The following AUTS2 variants were observed in gnomAD, a reference collection of about 807,000 sequenced individuals.
AUTS2 encodes the protein autism susceptibility gene 2 protein.
AUTS2 carries 17 observed loss-of-function variants against 112.4 expected under a neutral mutation model. The observed-to-expected ratio is 0.15, with a 90% confidence interval of 0.10 to 0.23. The LOEUF is 0.23. AUTS2 is among the 10% of genes least tolerant of loss of function. The probability of loss-of-function intolerance (pLI) is 1.00; values close to 1 mark genes in which losing one functional copy is unlikely to be tolerated. For missense variants in AUTS2, 1,510 were observed against 1,701.6 expected, an observed-to-expected ratio of 0.89 and a Z score of 1.98; for synonymous variants, 751 against 702.7, an observed-to-expected ratio of 1.07 and a Z score of -1.09.
At chr7:70,372,331 A>C (rs1792874792) in intron 4 of AUTS2, among the ~76,000 whole-genome samples, 1 of 152,222 alleles carries the variant, frequency 6.6e-6, no homozygotes, top group African/African-American at 2.4e-5. Context: ...GTAGAGGAAG[A>C]TATCCTAGTA....
chr7:69,815,617 T>G (rs1790725298), intron 1 of AUTS2, among the ~76,000 whole-genome samples: 1 of 152,080 alleles, frequency 6.6e-6, no homozygotes, highest in South Asian at 2.1e-4. Context: ...CAGGTTCAAG[T>G]GATTCTCCTG....
In AUTS2 at chr7:69,723,489, G is replaced by A. The variant is rs79079457; in HGVS notation, c.309+123527G>A. The stretch of plus-strand genomic sequence containing the variant: ...ACCATTATTAGCTATATGACCATTA[G>A]CCAGTTTTCTCATTTGTTAGATGAT... On this transcript the variant is annotated intron_variant, in intron 1 of 18. Transcript: ENST00000342771. 4.2e-3 allele frequency among the ~76,000 whole-genome samples: 632 copies of A among 152,194 alleles called. 6 individuals carry two copies. Among genetic ancestry groups the A allele is most frequent in the African/African-American group, 0.014 (579 of 41,540 alleles).
intron 4 of AUTS2, chr7:70,291,514 G>A (rs1254882265): frequency 6.6e-6 from 1 of 152,122 alleles, no homozygotes; most frequent in African/African-American, 2.4e-5. Flanking sequence ...TGTAGAATGG[G>A]GGAAGTGGTA....
At chr7:70,067,972 A>C (rs927545090) in intron 2 of AUTS2, among the ~76,000 whole-genome samples, 2 of 152,166 alleles carry the variant, frequency 1.3e-5, no homozygotes, top group Non-Finnish European at 2.9e-5. Context: ...AGGTTAAATA[A>C]TAAGTGCACA....
chr7:70,086,596 G>A (rs947326720), intron 2 of AUTS2, among the ~76,000 whole-genome samples: 4 of 146,278 alleles, frequency 2.7e-5, no homozygotes, highest in African/African-American at 1.0e-4. Context: ...AGCTGAGATC[G>A]CGCCACTGGA....
chr7:70,160,541 T>C (rs1424810045), intron 4 of AUTS2, among the ~76,000 whole-genome samples: 1 of 152,220 alleles, frequency 6.6e-6, no homozygotes, highest in Non-Finnish European at 1.5e-5. Flanking sequence ...GCACAGTGAC[T>C]AAATTTGATG....
chr7:70,726,732 A>G (rs1287888658), intron 6 of AUTS2, among the ~76,000 whole-genome samples: 1 of 152,172 alleles, frequency 6.6e-6, no homozygotes, highest in Admixed American at 6.5e-5. Context: ...TCCAGTTTAG[A>G]GGATCATATT....
At chr7:70,543,506 G>A (rs942962628) in intron 5 of AUTS2, among the ~76,000 whole-genome samples, 3 of 150,832 alleles carry the variant, frequency 2.0e-5, no homozygotes, top group Non-Finnish European at 2.9e-5. Flanking sequence ...TTGAGCCTAG[G>A]CGACAGAGTG....
At chr7:70,095,356 G>A (rs1392441976) in intron 2 of AUTS2, among the ~76,000 whole-genome samples, 1 of 152,136 alleles carries the variant, frequency 6.6e-6, no homozygotes, top group Non-Finnish European at 1.5e-5. Flanking sequence ...ACGCATAGAA[G>A]TCTTACAACT....
intron 18 of AUTS2, 102 bp from the exon 19 acceptor site, chr7:70,789,646 C>A (rs1791744327): frequency 7.2e-7 from 1 of 1,392,090 alleles, no homozygotes; most frequent in East Asian, 2.3e-5. Context: ...AAGCAGCCCC[C>A]AGCCTGTCCT....
chr7:70,498,239 CGCATACTCATT>C (rs1241128122), intron 5 of AUTS2, among the ~76,000 whole-genome samples: 1 of 152,094 alleles, frequency 6.6e-6, no homozygotes, highest in Non-Finnish European at 1.5e-5. Context: ...TCCACAGAGC[CGCATACTCATT>C]GCATGTGTGT....
chr7:70,665,198 C>T (rs1807267221), intron 5 of AUTS2, among the ~76,000 whole-genome samples: 2 of 152,130 alleles, frequency 1.3e-5, no homozygotes, highest in Admixed American at 1.3e-4. Flanking sequence ...GGCTACAGGG[C>T]ACCATTTTCC....
intron 1 of AUTS2, among the ~76,000 whole-genome samples, chr7:69,766,063 T>C (rs1383774979): frequency 6.6e-6 from 1 of 152,230 alleles, no homozygotes; most frequent in African/African-American, 2.4e-5. Context: ...ACTCTCCGTC[T>C]TGCAAAACTG....
At chr7:69,817,236 C>G (rs1281664765) in intron 1 of AUTS2, among the ~76,000 whole-genome samples, 2 of 152,168 alleles carry the variant, frequency 1.3e-5, no homozygotes, top group Non-Finnish European at 2.9e-5. Flanking sequence ...AAGATATAAG[C>G]AGGATGCTGG....
At chr7:70,274,970 C>T (rs1787862072) in intron 4 of AUTS2, among the ~76,000 whole-genome samples, 1 of 152,056 alleles carries the variant, frequency 6.6e-6, no homozygotes, top group South Asian at 2.1e-4. Context: ...TTCATAATAG[C>T]TAAAAAGTGG....
At chr7:70,239,146 A>G (rs958947804) in intron 4 of AUTS2, among the ~76,000 whole-genome samples, 2 of 152,180 alleles carry the variant, frequency 1.3e-5, no homozygotes, top group Middle Eastern at 3.4e-3. Context: ...CCTCTCCTCC[A>G]TAATTTTATG....
intron 1 of AUTS2, among the ~76,000 whole-genome samples, chr7:69,833,475 G>A (rs982634502): frequency 6.6e-6 from 1 of 151,836 alleles, no homozygotes; most frequent in African/African-American, 2.4e-5. Context: ...TCACTCTGTT[G>A]CCCAGGCTGG....
chr7:70,213,166 A>AT (rs1363273816), intron 4 of AUTS2, among the ~76,000 whole-genome samples: 2 of 152,048 alleles, frequency 1.3e-5, no homozygotes, highest in Non-Finnish European at 2.9e-5. Flanking sequence ...ATATCAACGA[A>AT]TTTTTTTAAA....
At chr7:70,080,834 G>A (rs751376199) in intron 2 of AUTS2, among the ~76,000 whole-genome samples, 1 of 152,100 alleles carries the variant, frequency 6.6e-6, no homozygotes, top group Non-Finnish European at 1.5e-5. Context: ...ACCAACTGTC[G>A]AACACTTAAA....
Sources: gnomAD v4.1 joint callset for allele counts (sites outside exome capture counted in the v4.1 genomes callset) on GRCh38, gnomAD v4.1.1 for gene constraint, MANE v1.5 for transcripts, NCBI Gene and HGNC (gene_info 2026-07-23, HGNC 2026-07-21) for gene names.